The following PPP4R2 variants were observed in gnomAD, a reference collection of about 807,000 sequenced individuals.
The protein encoded by PPP4R2 is serine/threonine-protein phosphatase 4 regulatory subunit 2.
A neutral mutation model predicts 47.2 loss-of-function variants in PPP4R2; 13 were observed. That is an observed-to-expected ratio of 0.28 (90% CI 0.18 to 0.44). The LOEUF (loss-of-function observed/expected upper bound fraction) is 0.44, where lower values mean the gene tolerates loss of function less well. Among genes scored for constraint, PPP4R2 ranks in the 20% least tolerant of loss-of-function variants. The probability of loss-of-function intolerance (pLI) is 1.00; values close to 1 mark genes in which losing one functional copy is unlikely to be tolerated. For synonymous variants in PPP4R2, 151 were observed against 163.3 expected (o/e 0.92, Z 0.57); for missense variants, 421 against 491.2 (o/e 0.86, Z 1.35).
intron 2 of PPP4R2, among the ~76,000 whole-genome samples, chr3:73,032,689 A>C (rs1375753043): frequency 1.3e-5 from 2 of 152,150 alleles, no homozygotes. Flanking sequence ...TTAGTAATGA[A>C]AGTTAAGATT....
At chr3:73,036,963 T>C (rs968148802) in intron 2 of PPP4R2, among the ~76,000 whole-genome samples, 2 of 152,362 alleles carry the variant, frequency 1.3e-5, no homozygotes, top group East Asian at 3.9e-4. Flanking sequence ...TCACCACTTG[T>C]GGCAGTGCTA....
intron 2 of PPP4R2, among the ~76,000 whole-genome samples, chr3:73,008,601 C>G (rs1701661611): frequency 6.6e-6 from 1 of 152,116 alleles, no homozygotes; most frequent in Non-Finnish European, 1.5e-5. Flanking sequence ...AGCTTTTCTA[C>G]TTCTTGGTGA....
intron 2 of PPP4R2, among the ~76,000 whole-genome samples, chr3:73,006,190 ATTTT>A (rs71624000): frequency 8.1e-6 from 1 of 124,178 alleles, no homozygotes; most frequent in Non-Finnish European, 1.6e-5. Context: ...ATATGCCACA[ATTTT>A]TTTTTTTTTT....
At chr3:72,998,034 T>A (rs1197173376) in intron 1 of PPP4R2, 43 bp from the exon 2 acceptor site, 2 of 1,432,092 alleles carry the variant, frequency 1.4e-6, no homozygotes. Context: ...TTTAGAGCGC[T>A]TTTGAGAAAA....
chr3:72,997,617 A>G (rs1446437528), intron 1 of PPP4R2, among the ~76,000 whole-genome samples: 1 of 152,148 alleles, frequency 6.6e-6, no homozygotes, highest in Admixed American at 6.5e-5. Context: ...AGTGGCTTAC[A>G]AACTTCGAGT....
intron 3 of PPP4R2, 71 bp from the exon 4 acceptor site, chr3:73,058,966 C>A: frequency 1.1e-6 from 1 of 943,924 alleles, no homozygotes; most frequent in Non-Finnish European, 1.6e-6. Flanking sequence ...CTTTACCTAG[C>A]AAAAGAAATA....
chr3:73,052,168 G>T (rs1044043597), intron 3 of PPP4R2, among the ~76,000 whole-genome samples: 1 of 150,234 alleles, frequency 6.7e-6, no homozygotes, highest in Admixed American at 6.6e-5. Context: ...AGAAAAAAAA[G>T]AATAAAAGTA....
intron 3 of PPP4R2, among the ~76,000 whole-genome samples, chr3:73,056,165 T>G (rs989383860): frequency 1.3e-5 from 2 of 152,230 alleles, no homozygotes; most frequent in Non-Finnish European, 2.9e-5. Context: ...TACCAAATGC[T>G]TTCATTTTGT....
chr3:73,030,709 T>G (rs984387571), intron 2 of PPP4R2, among the ~76,000 whole-genome samples: 11 of 151,898 alleles, frequency 7.2e-5, no homozygotes, highest in Non-Finnish European at 7.4e-5. Context: ...TTTCCTCTTT[T>G]TTTCTTTTTT....
At chr3:73,001,595 C>A (rs1701459644) in intron 2 of PPP4R2, among the ~76,000 whole-genome samples, 1 of 152,068 alleles carries the variant, frequency 6.6e-6, no homozygotes, top group African/African-American at 2.4e-5. Flanking sequence ...TGCACACTTG[C>A]ACACTTATGT....
intron 5 of PPP4R2, chr3:73,062,776 TC>T (rs758715199): frequency 4.3e-6 from 7 of 1,613,932 alleles, no homozygotes; most frequent in Non-Finnish European, 5.9e-6. Context: ...GATCTGCTAA[TC>T]AGCTGCAATG....
intron 2 of PPP4R2, 126 bp from the exon 3 acceptor site, chr3:73,047,060 C>T (rs979471417): frequency 1.7e-6 from 1 of 585,402 alleles, no homozygotes; most frequent in South Asian, 2.5e-5. Flanking sequence ...ACGGCATTCT[C>T]ATTACTAATT....
In PPP4R2 at chr3:73,064,968, A is replaced by C; in HGVS notation, c.755A>C (p.Lys252Thr). 6.2e-7 allele frequency: 1 copy of C among 1,613,900 alleles called. No individual in the cohort carries two copies. Among genetic ancestry groups the C allele is most frequent in the Non-Finnish European group, 8.5e-7 (1 of 1,179,824 alleles). ...GAGGTAAAAAGACTCAGGTTTGACA[A>C]AGAAGGTGAAGTCAGAGAAACAGCC... is the stretch of plus-strand genomic sequence containing the variant. ...GHEVKRLRFD[K>T]EGEVRETASQ... The change falls in exon 8 of 9, where the codon AAA (lysine) becomes ACA (threonine). Residue 252 changes from lysine to threonine, a missense_variant. By Grantham distance (78) the Lys-to-Thr change is moderately conservative (BLOSUM62 -1). This residue lies in a region of PPP4R2 where 317 missense variants were observed against 287.5 expected (regional missense o/e 1.10). Transcript: ENST00000356692.
intron 2 of PPP4R2, among the ~76,000 whole-genome samples, chr3:73,005,422 TATTTC>T (rs1438018231): frequency 1.3e-5 from 2 of 152,020 alleles, no homozygotes; most frequent in East Asian, 3.9e-4. Context: ...AAATATTAAA[TATTTC>T]AAGAAAGTGA....
At chr3:73,049,944 G>GTTTTA (rs201259586) in intron 3 of PPP4R2, among the ~76,000 whole-genome samples, 2 of 151,758 alleles carry the variant, frequency 1.3e-5, no homozygotes, top group Non-Finnish European at 2.9e-5. Flanking sequence ...GTTTTGTTTT[G>GTTTTA]TTTTATTTTA....
chr3:73,026,074 G>GA (rs1702057625), intron 2 of PPP4R2, among the ~76,000 whole-genome samples: 2 of 152,174 alleles, frequency 1.3e-5, no homozygotes. Context: ...TAGTAGTCAT[G>GA]CTACAATATA....
chr3:73,007,564 T>C (rs1701637411), intron 2 of PPP4R2, among the ~76,000 whole-genome samples: 1 of 151,952 alleles, frequency 6.6e-6, no homozygotes, highest in Non-Finnish European at 1.5e-5. Context: ...AACCTCTGGC[T>C]CCCGGGTTCA....
chr3:73,050,632 C>G (rs1381604869), intron 3 of PPP4R2, among the ~76,000 whole-genome samples: 2 of 152,126 alleles, frequency 1.3e-5, no homozygotes, highest in South Asian at 4.1e-4. Context: ...TACAGAAGTA[C>G]ATAAAGAATG....
At chr3:73,052,266 T>C (rs1702631727) in intron 3 of PPP4R2, among the ~76,000 whole-genome samples, 2 of 151,016 alleles carry the variant, frequency 1.3e-5, no homozygotes, top group Non-Finnish European at 3.0e-5. Context: ...TTGGTCATTT[T>C]CTTGTCTTTT....
Sources: gnomAD v4.1 joint callset for allele counts (sites outside exome capture counted in the v4.1 genomes callset) on GRCh38, gnomAD v4.1.1 for gene constraint, gnomAD v4.1.1 regional missense constraint, MANE v1.5 for transcripts, NCBI Gene and HGNC (gene_info 2026-07-23, HGNC 2026-07-21) for gene names.